Variants in EPRS1 observed in about 807,000 individuals in gnomAD.
EPRS1 encodes the protein glutamyl-prolyl-tRNA synthetase 1.
EPRS1 carries 107 observed loss-of-function variants against 188.3 expected under a neutral mutation model. The ratio of observed to expected loss-of-function variants is 0.57; its 90% CI spans 0.49 to 0.67. The LOEUF is 0.67. EPRS1 is among the 30% of genes least tolerant of loss of function. The pLI, the probability that EPRS1 is intolerant of heterozygous loss-of-function variation, is 0.00. For synonymous variants in EPRS1, 596 were observed against 593.1 expected (o/e 1.00, Z -0.07); for missense variants, 1,577 against 1,802.2 (o/e 0.88, Z 2.26).
At position 220,007,341 on chromosome 1, in the gene EPRS1, G is replaced by T; in HGVS notation, c.1606-3C>A. ...GGCTTCAAGCCAACCTCAGGATTCT[G>T]ATTGATAAAGAAAAGCAGAGTGTCT... On this transcript the variant is annotated splice_polypyrimidine_tract_variant and splice_region_variant and intron_variant, in intron 13 of 31. Coordinates refer to ENST00000366923, the MANE Select transcript of EPRS1 (RefSeq NM_004446.3). 1 of 1,602,114 alleles carries T rather than the reference G, an allele frequency of 6.2e-7. No homozygotes were observed. The highest frequency in any genetic ancestry group is 8.5e-7 in the Non-Finnish European group (1 of 1,176,830).
intron 29 of EPRS1, among the ~76,000 whole-genome samples, chr1:219,972,825 C>T (rs1440008908): frequency 6.6e-6 from 1 of 152,204 alleles, no homozygotes; most frequent in Non-Finnish European, 1.5e-5. Context: ...CCTGGGGGAG[C>T]TTTTAACAGT....
chr1:220,017,651 A>G (rs1276310729), intron 12 of EPRS1, among the ~76,000 whole-genome samples: 4 of 152,232 alleles, frequency 2.6e-5, no homozygotes, highest in African/African-American at 9.6e-5. Context: ...AAGAATTTAC[A>G]GAACACAATC....
chr1:220,018,026 T>C (rs1661756349), intron 12 of EPRS1: 7 of 599,076 alleles, frequency 1.2e-5, no homozygotes, highest in South Asian at 6.5e-5. Flanking sequence ...AAGTCTTTTA[T>C]ATAAATGTGA....
At chr1:220,010,636 C>T (rs1401164508) in intron 13 of EPRS1, among the ~76,000 whole-genome samples, 1 of 151,802 alleles carries the variant, frequency 6.6e-6, no homozygotes, top group South Asian at 2.1e-4. Flanking sequence ...ATGGTGAAAC[C>T]CCATCTCCAC....
intron 12 of EPRS1, among the ~76,000 whole-genome samples, chr1:220,015,552 G>T (rs976881293): frequency 4.0e-5 from 6 of 151,112 alleles, no homozygotes; most frequent in African/African-American, 1.5e-4. Flanking sequence ...GAAAGGGAGA[G>T]AATTCAAGAA....
In EPRS1 at chr1:220,044,700, A is replaced by T. The variant is rs920535972; in HGVS notation, c.46+1643T>A. Among the ~76,000 whole-genome samples, 15 of 130,478 alleles carry T rather than the reference A, an allele frequency of 1.1e-4. 1 individual carries two copies. The East Asian group carries it at 2.8e-3, about 25-fold the overall frequency. The allele number at this position is 130,478 out of a possible 152,430, so 85.6% of individuals were successfully genotyped here. ...GGTCTCCAAAAAAAAAAAAAAAAAA[A>T]AAAAAAAAAAAAACAGTATCAGGAG... On this transcript the variant is annotated intron_variant, in intron 1 of 31. Transcript: ENST00000366923.
chr1:219,978,980 C>A (rs1192503362), intron 27 of EPRS1, among the ~76,000 whole-genome samples: 1 of 151,514 alleles, frequency 6.6e-6, no homozygotes, highest in Non-Finnish European at 1.5e-5. Context: ...TTTTCCCCCC[C>A]AGCCTCCCAA....
chr1:220,005,797 A>G (rs1189485367), intron 15 of EPRS1, among the ~76,000 whole-genome samples: 1 of 149,572 alleles, frequency 6.7e-6, no homozygotes, highest in Non-Finnish European at 1.5e-5. Context: ...CATCTATAAA[A>G]TGGAAACATT....
intron 4 of EPRS1, 147 bp from the exon 5 acceptor site, chr1:220,032,673 C>G (rs550271004): frequency 2.5e-6 from 2 of 789,118 alleles, no homozygotes; most frequent in African/African-American, 1.8e-5. Context: ...ATACACTGAA[C>G]TGTTTTCTAA....
chr1:219,970,820 A>G (rs1056959441), intron 30 of EPRS1, among the ~76,000 whole-genome samples: 1 of 151,838 alleles, frequency 6.6e-6, no homozygotes, highest in Non-Finnish European at 1.5e-5. Context: ...GTGAAAAACT[A>G]CAGAAACCAG....
chr1:220,046,353 G>A lies in EPRS1; in HGVS notation c.36C>T (p.Asp12=), dbSNP rs188350573. 16 of 1,614,002 alleles carry A rather than the reference G, an allele frequency of 9.9e-6. No homozygotes were observed. The highest frequency in any genetic ancestry group is 4.0e-5 in the African/African-American group (3 of 74,930). Residue 12 remains aspartate (D), a synonymous_variant, in exon 1 of 32, where the codon GAC becomes GAT. Coordinates refer to ENST00000366923, the MANE Select transcript of EPRS1 (RefSeq NM_004446.3). The stretch of plus-strand genomic sequence containing the variant: ...GTCTCGGCCCCTTACCTAGCGGAGG[G>A]TCTCCTGAATTCACGGTCAGAGAGA... ...ATLSLTVNSG[D]PPLGALLAVE...
intron 17 of EPRS1, among the ~76,000 whole-genome samples, chr1:220,000,260 A>G (rs1160947381): frequency 2.0e-5 from 3 of 152,236 alleles, no homozygotes; most frequent in African/African-American, 7.2e-5. Context: ...AAAAGCAACC[A>G]AATTTCCCAT....
intron 20 of EPRS1, among the ~76,000 whole-genome samples, chr1:219,986,261 C>T (rs1046451991): frequency 3.3e-5 from 5 of 152,144 alleles, no homozygotes; most frequent in African/African-American, 9.7e-5. Flanking sequence ...TACAATTATG[C>T]GTCACTTAAT....
intron 8 of EPRS1, among the ~76,000 whole-genome samples, chr1:220,023,760 T>C (rs998772612): frequency 6.6e-6 from 1 of 152,222 alleles, no homozygotes; most frequent in Non-Finnish European, 1.5e-5. Context: ...AAGGGCATAT[T>C]CACATGCAGT....
chr1:219,985,907 T>TC (rs534699962), intron 20 of EPRS1, among the ~76,000 whole-genome samples: 37 of 152,244 alleles, frequency 2.4e-4, no homozygotes, highest in Non-Finnish European at 4.4e-4. Context: ...ATTTGCATTC[T>TC]CCATTGTTTC....
intron 29 of EPRS1, among the ~76,000 whole-genome samples, chr1:219,972,652 G>A (rs1327667837): frequency 1.3e-5 from 2 of 152,184 alleles, no homozygotes; most frequent in Non-Finnish European, 2.9e-5. Context: ...AAAACAGGGT[G>A]CCACGCTAAG....
In EPRS1 at chr1:220,006,319, T is replaced by A; in HGVS notation, c.1743-6A>T. Reference sequence around the variant, plus strand: ...TGATTTTTCCATCTGCATTTCTAGATATAAGATTAAAAGTATTCAAAGAAA... The same window carrying A: ...TGATTTTTCCATCTGCATTTCTAGAAATAAGATTAAAAGTATTCAAAGAAA... On this transcript the variant is annotated splice_polypyrimidine_tract_variant and splice_region_variant and intron_variant, in intron 14 of 31. Transcript: ENST00000366923. The A allele has an allele frequency of 6.8e-7, 1 of 1,480,356 alleles. No individual in the cohort carries two copies. The highest frequency in any genetic ancestry group is 1.3e-5 in the South Asian group (1 of 77,240). The allele number at this position is 1,480,356 out of a possible 1,614,324, so 91.7% of individuals were successfully genotyped here.
chr1:220,011,931 CATT>C (rs752980030), intron 12 of EPRS1, among the ~76,000 whole-genome samples: 9 of 152,122 alleles, frequency 5.9e-5, no homozygotes, highest in Non-Finnish European at 1.3e-4. Context: ...TATTTTTTCT[CATT>C]AGAAGAATGC....
chr1:219,981,047 C>T (rs911427383), intron 24 of EPRS1, among the ~76,000 whole-genome samples, 190 bp from the exon 25 acceptor site: 5 of 151,966 alleles, frequency 3.3e-5, no homozygotes, highest in African/African-American at 1.2e-4. Flanking sequence ...TACAGGTGCA[C>T]GCCAATGCAG....
Sources: allele counts gnomAD v4.1 joint callset (sites outside exome capture counted in the v4.1 genomes callset), GRCh38; gene constraint gnomAD v4.1.1; transcripts MANE v1.5; gene names NCBI Gene and HGNC (gene_info 2026-07-23, HGNC 2026-07-21).